Variants in HK1 observed in about 807,000 individuals in gnomAD.
HK1 encodes the protein hexokinase 1, also known as hexokinase-1.
HK1 carries 28 observed loss-of-function variants against 91.6 expected under a neutral mutation model. The observed-to-expected ratio is 0.31, with a 90% CI of 0.23 to 0.42. The LOEUF (loss-of-function observed/expected upper bound fraction) is 0.42, where lower values mean the gene tolerates loss of function less well. HK1 is among the 10% of genes least tolerant of loss of function. The pLI, the probability that HK1 is intolerant of heterozygous loss-of-function variation, is 1.00. For missense variants in HK1, 770 were observed against 1,219.8 expected (o/e 0.63, Z 5.49); for synonymous variants, 430 against 468.1 (o/e 0.92, Z 1.05).
intron 1 of HK1, among the ~76,000 whole-genome samples, chr10:69,274,041 A>G (rs1010377993): frequency 1.3e-5 from 2 of 151,862 alleles, no homozygotes; most frequent in African/African-American, 2.4e-5. Context: ...TCTGATGTAG[A>G]TATTATTTTT....
At chr10:69,322,612 C>G (rs552718269) in intron 1 of HK1, among the ~76,000 whole-genome samples, 1 of 152,272 alleles carries the variant, frequency 6.6e-6, no homozygotes, top group East Asian at 1.9e-4. Flanking sequence ...AAATAAAAGG[C>G]CGATGTAGTG....
rs188121307 is a variant in HK1, at chr10:69,375,923, C to T, written c.876-1011C>T. ...GCATTGGGCTCATTCTGTCATTGGT[C>T]GGTGCTTGACCGGGGCTGGAGCTGT... is the stretch of plus-strand genomic sequence containing the variant. On this transcript the variant is annotated intron_variant, in intron 7 of 17. Transcript: ENST00000359426. 2.2e-3 allele frequency among the ~76,000 whole-genome samples: 338 copies of T among 152,250 alleles called. 1 individual carries two copies. The highest frequency in any genetic ancestry group is 7.5e-3 in the African/African-American group (311 of 41,554).
At chr10:69,332,392 T>TCTTTCTTTCTTTCTTTC (rs1369494121) in intron 1 of HK1, among the ~76,000 whole-genome samples, 31 of 151,152 alleles carry the variant, frequency 2.1e-4, no homozygotes, top group East Asian at 7.8e-4. Context: ...TTTTTTTCTT[T>TCTTTCTTTCTTTCTTTC]TTTTGAGACA....
At chr10:69,289,768 G>A (rs1845210380) in intron 3 of HK1, among the ~76,000 whole-genome samples, 1 of 118,308 alleles carries the variant, frequency 8.5e-6, no homozygotes, top group Non-Finnish European at 1.7e-5. Context: ...TACTGCACCC[G>A]GCCAATTTTT....
chr10:69,361,205 T>G (rs548100881), intron 3 of HK1, among the ~76,000 whole-genome samples: 1 of 152,332 alleles, frequency 6.6e-6, no homozygotes, highest in African/African-American at 2.4e-5. Flanking sequence ...CAGGTGACAC[T>G]GTCACTAGAG....
intron 2 of HK1, chr10:69,288,595 C>T: frequency 1.3e-6 from 1 of 782,552 alleles, no homozygotes; most frequent in Non-Finnish European, 2.3e-6. Context: ...GGGTGTTTAG[C>T]TTCCTAATTG....
At position 69,343,759 on chromosome 10, in the gene HK1, G is replaced by A. The variant is rs545684448; in HGVS notation, c.64-68G>A. ...CCTGTGGGAGCTGGCTATCTCAGCG[G>A]GTGGGTGCCTCACCTTGCCCTGTCC... is the stretch of plus-strand genomic sequence containing the variant. On this transcript the variant is annotated intron_variant, in intron 1 of 17. Transcript: ENST00000359426. The A allele has an allele frequency of 3.6e-5, 45 of 1,233,864 alleles. No individual in the cohort carries two copies. In the South Asian group the frequency reaches 4.4e-4, roughly 12 times the overall value. The allele number at this position is 1,233,864 out of a possible 1,614,324, so 76.4% of individuals were successfully genotyped here. A position where few individuals can be genotyped will look rare whatever the true frequency, so the allele number is the denominator to read the frequency against.
intron 13 of HK1, 85 bp downstream of exon 13, chr10:69,386,503 G>A (rs977021140): frequency 4.4e-6 from 5 of 1,124,860 alleles, no homozygotes; most frequent in East Asian, 2.7e-5. Context: ...AAGAATTCAG[G>A]CCAGGCGTGG....
chr10:69,323,057 C>A (rs1412328392), intron 1 of HK1, among the ~76,000 whole-genome samples: 1 of 151,772 alleles, frequency 6.6e-6, no homozygotes, highest in Non-Finnish European at 1.5e-5. Context: ...ACCAGCCTGA[C>A]CAATATGGTG....
In HK1 at chr10:69,377,096, A is replaced by G. The variant is rs1839153743; in HGVS notation, c.1031+7A>G. On this transcript the variant is annotated splice_region_variant and intron_variant, in intron 8 of 17. Transcript: ENST00000359426. ...ATGTGTCAGCCATCGAAAAGTAGGT[A>G]CCATCCCCTCAAGGCTTTCTTGGGG... 1.2e-6 allele frequency: 2 copies of G among 1,613,964 alleles called. No homozygotes were observed. Among genetic ancestry groups the G allele is most frequent in the Non-Finnish European group, 1.7e-6 (2 of 1,180,010 alleles).
chr10:69,343,814 C>T lies in HK1; in HGVS notation c.64-13C>T, dbSNP rs1010442890. The T allele has an allele frequency of 6.2e-7, 1 of 1,609,040 alleles. No individual in the cohort carries two copies. Among genetic ancestry groups the T allele is most frequent in the Non-Finnish European group, 8.5e-7 (1 of 1,175,486 alleles). ...CCTCGACCTCACTCTCCTTCCTTCT[C>T]ATCCCCCTCCAGATTGACAAGTATC... is the stretch of plus-strand genomic sequence containing the variant. On this transcript the variant is annotated splice_polypyrimidine_tract_variant and intron_variant, in intron 1 of 17. Coordinates refer to ENST00000359426, the MANE Select transcript of HK1 (RefSeq NM_000188.3).
At chr10:69,344,842 G>T (rs932121756) in intron 2 of HK1, among the ~76,000 whole-genome samples, 1 of 152,182 alleles carries the variant, frequency 6.6e-6, no homozygotes, top group African/African-American at 2.4e-5. Flanking sequence ...CCTGTTAGCT[G>T]TGTTCTGTGC....
chr10:69,399,785 G>C (rs530391416), intron 17 of HK1, among the ~76,000 whole-genome samples: 2 of 152,266 alleles, frequency 1.3e-5, no homozygotes, highest in East Asian at 1.9e-4. Flanking sequence ...ACTCTTGCCA[G>C]TCAAGAGTGC....
chr10:69,299,489 C>T (rs111733629), intron 4 of HK1, among the ~76,000 whole-genome samples: 3,272 of 151,474 alleles, frequency 0.022, 212 homozygotes, highest in African/African-American at 0.074. Context: ...GTCTCAGCCT[C>T]CCGAGTAGTT....
Position 69,379,913 on chromosome 10 carries a change from G to C in HK1, c.1083G>C (p.Val361=). 6.2e-7 allele frequency: 1 copy of C among 1,614,210 alleles called. No individual in the cohort carries two copies. Among genetic ancestry groups the C allele is most frequent in the Non-Finnish European group, 8.5e-7 (1 of 1,180,022 alleles). Residue 361 remains valine (V), a synonymous_variant, in exon 9 of 18, where the codon GTG becomes GTC. Coordinates refer to ENST00000359426, the MANE Select transcript of HK1 (RefSeq NM_000188.3). ...AAGAAATCCTGACCCGCCTGGGAGT[G>C]GAGCCGTCCGATGATGACTGTGTCT... ...NAKEILTRLG[V]EPSDDDCVSV...
intron 5 of HK1, among the ~76,000 whole-genome samples, chr10:69,305,135 T>G (rs528386491): frequency 2.0e-5 from 3 of 152,268 alleles, no homozygotes; most frequent in Admixed American, 2.0e-4. Context: ...CCAAGATGAT[T>G]GCAGGATCTC....
rs377478325 is a variant in HK1 at position 69,304,841 on chromosome 10, T to C, written c.27+3980T>C. On this transcript the variant is annotated intron_variant, in intron 5 of 21. Coordinates refer to the HK1 transcript ENST00000360289. Reference sequence around the variant, plus strand: ...ATGCTTTCCTGCTCATGTGGTTGTTTGCAGCGTTCGGTTCCTTGTAGCTGT... The same window carrying C: ...ATGCTTTCCTGCTCATGTGGTTGTTCGCAGCGTTCGGTTCCTTGTAGCTGT... Among the ~76,000 whole-genome samples the C allele has an allele frequency of 6.8e-4, 103 of 152,294 alleles. 1 individual carries two copies. In the South Asian group the frequency reaches 0.015, roughly 23 times the overall value.
At chr10:69,386,649 G>T in intron 13 of HK1, 1 of 392,754 alleles carries the variant, frequency 2.5e-6, no homozygotes, top group Non-Finnish European at 4.9e-6. Context: ...AGGCGTGGTG[G>T]TGCGCACCTG....
intron 2 of HK1, among the ~76,000 whole-genome samples, chr10:69,353,962 T>C (rs1028609658): frequency 6.6e-6 from 1 of 152,154 alleles, no homozygotes; most frequent in Admixed American, 6.5e-5. Context: ...TTGTGACTGG[T>C]GTCTGAAGTT....
Sources: allele counts gnomAD v4.1 joint callset (sites outside exome capture counted in the v4.1 genomes callset), GRCh38; gene constraint gnomAD v4.1.1; transcripts MANE v1.5; gene names NCBI Gene and HGNC (gene_info 2026-07-23, HGNC 2026-07-21).